The following SNRPB2 variants were observed in gnomAD, a reference collection of about 807,000 sequenced individuals.
SNRPB2 encodes small nuclear ribonucleoprotein polypeptide B2.
A neutral mutation model predicts 26.3 loss-of-function variants in SNRPB2; 16 were observed. That is an observed-to-expected ratio of 0.61 (90% CI 0.41 to 0.92). The LOEUF (loss-of-function observed/expected upper bound fraction) is 0.92. SNRPB2 is among the 40% of genes least tolerant of loss of function. SNRPB2 has a pLI of 0.00. For synonymous variants in SNRPB2, 75 were observed against 89.0 expected (o/e 0.84, Z 0.88); for missense variants, 179 against 268.1 (o/e 0.67, Z 2.32).
chr20:16,740,238 A>G lies in SNRPB2; in HGVS notation c.430-87A>G, dbSNP rs911228387. 11 of 1,561,646 alleles carry G rather than the reference A, an allele frequency of 7.0e-6. No individual in the cohort carries two copies. In the African/African-American group the frequency reaches 1.4e-4, roughly 19 times the overall value. On this transcript the variant is annotated intron_variant, in intron 5 of 6. Transcript: ENST00000246071. The stretch of plus-strand genomic sequence containing the variant: ...TCCAGTGTCATTGTTTTTCAGCTTT[A>G]TTGTTTGATATAGTAAGATTTCACA...
rs1249635444 is a variant in SNRPB2 at position 16,737,273 on chromosome 20, G to A, written c.250G>A (p.Ala84Thr). 6.3e-7 allele frequency: 1 copy of A among 1,592,462 alleles called. No individual in the cohort carries two copies. The highest frequency in any genetic ancestry group is 2.2e-5 in the East Asian group (1 of 44,630). The change falls in exon 4 of 7, where the codon GCA becomes ACA. Residue 84 changes from alanine to threonine, a missense_variant. Coordinates refer to ENST00000246071, the MANE Select transcript of SNRPB2 (RefSeq NM_003092.5). ...ATAATTAAAACAGCGAATACAGTAT[G>A]CAAAAACAGATTCGGATATAATATC... ...FYGKPMRIQY[A>T]KTDSDIISKM... is the part of the protein sequence containing the mutation.
At chr20:16,732,971 A>G (rs2072402677) in intron 3 of SNRPB2, among the ~76,000 whole-genome samples, 1 of 152,202 alleles carries the variant, frequency 6.6e-6, no homozygotes, top group Non-Finnish European at 1.5e-5. Flanking sequence ...ATGGTAGAGG[A>G]TCAGATAAGG....
At chr20:16,738,512 G>A (rs1237117338) in intron 4 of SNRPB2, among the ~76,000 whole-genome samples, 3 of 150,014 alleles carry the variant, frequency 2.0e-5, no homozygotes, top group African/African-American at 7.4e-5. Flanking sequence ...GTGATTAAAA[G>A]TCAGTTTTAT....
chr20:16,737,180 G>A (rs998346651), intron 3 of SNRPB2, 81 bp from the exon 4 acceptor site: 21 of 1,132,632 alleles, frequency 1.9e-5, no homozygotes, highest in Admixed American at 2.7e-5. Context: ...GTGTATTTGC[G>A]TAATGAAATT....
chr20:16,738,429 G>A (rs1254043540), intron 4 of SNRPB2, among the ~76,000 whole-genome samples: 3 of 131,838 alleles, frequency 2.3e-5, no homozygotes, highest in African/African-American at 9.0e-5. Context: ...GGTGACAAGA[G>A]CAAGACTCCA....
rs532950343 is a variant in SNRPB2 at position 16,742,119 on chromosome 20, T to A, written c.*1114T>A. The A allele has an allele frequency of 6.6e-6, 1 of 152,222 alleles. No homozygotes were observed. The highest frequency in any genetic ancestry group is 1.9e-4 in the East Asian group (1 of 5,178). The allele number at this position is 152,222 out of a possible 1,614,324, so 9.4% of individuals were successfully genotyped here. A position where few individuals can be genotyped will look rare whatever the true frequency, so the allele number is the denominator to read the frequency against. ...TATGCATACATAAAGAGGAAAAAAATGTTTCCTATAACTTTGTCACAGTTA... is the reference window on the plus strand; with the variant it reads ...TATGCATACATAAAGAGGAAAAAAAAGTTTCCTATAACTTTGTCACAGTTA... On this transcript the variant is annotated 3_prime_UTR_variant, in exon 7 of 7. Transcript: ENST00000246071.
At chr20:16,732,457 G>A in intron 3 of SNRPB2, 121 bp downstream of exon 3, 1 of 601,432 alleles carries the variant, frequency 1.7e-6, no homozygotes, top group South Asian at 2.6e-5. Context: ...GTGTGTTTGG[G>A]TTTATGTATT....
chr20:16,732,558 A>G (rs375519441), intron 3 of SNRPB2: 33 of 351,282 alleles, frequency 9.4e-5, no homozygotes, highest in Middle Eastern at 7.1e-4. Context: ...ATTTTAAAAA[A>G]TAATGGCAGT....
At chr20:16,740,773 G>T in intron 6 of SNRPB2, 73 bp from the exon 7 acceptor site, 1 of 1,165,762 alleles carries the variant, frequency 8.6e-7, no homozygotes, top group Non-Finnish European at 1.2e-6. Flanking sequence ...TTAGGAAGTT[G>T]CTTAACAAAT....
intron 2 of SNRPB2, 84 bp from the exon 3 acceptor site, chr20:16,732,080 G>A: frequency 1.3e-6 from 1 of 785,100 alleles, no homozygotes; most frequent in Non-Finnish European, 2.1e-6. Flanking sequence ...ATGGTGGGGG[G>A]GGCAACTCAA....
rs138493707 is a variant in SNRPB2, at chr20:16,731,752, A to G, written c.50A>G (p.Lys17Arg). ...HTIYINNMND[K>R]IKKEELKRSL... ...ATTTATATCAACAATATGAATGACA[A>G]AATTAAAAAGGAAGGTAAGTGCTTT... Residue 17 changes from lysine (K) to arginine (R), a missense_variant, in exon 2 of 7, where the codon AAA becomes AGA. Around this residue, in one of 2 missense-constraint regions of SNRPB2, gnomAD observed 145 missense variants for 180.7 expected, o/e 0.80. Transcript: ENST00000246071. 1.1e-5 allele frequency: 17 copies of G among 1,612,536 alleles called. No individual in the cohort carries two copies. Among genetic ancestry groups the G allele is most frequent in the East Asian group, 2.2e-5 (1 of 44,766 alleles).
At chr20:16,738,657 A>C (rs1335629407) in intron 4 of SNRPB2, among the ~76,000 whole-genome samples, 195 bp from the exon 5 acceptor site, 1 of 152,198 alleles carries the variant, frequency 6.6e-6, no homozygotes, top group Non-Finnish European at 1.5e-5. Context: ...GGTCTTAACA[A>C]AAATAACCGA....
chr20:16,735,048 T>A (rs902651341), intron 3 of SNRPB2, among the ~76,000 whole-genome samples: 4 of 152,148 alleles, frequency 2.6e-5, no homozygotes, highest in Non-Finnish European at 4.4e-5. Context: ...GCCACTGTGG[T>A]ACGGCAGCCC....
intron 4 of SNRPB2, among the ~76,000 whole-genome samples, chr20:16,738,354 A>T (rs1159759285): frequency 6.6e-6 from 1 of 151,350 alleles, no homozygotes; most frequent in African/African-American, 2.4e-5. Context: ...GAAGCAGGAG[A>T]ATTGGTTGAA....
chr20:16,732,714 C>T (rs1051034143), intron 3 of SNRPB2, among the ~76,000 whole-genome samples: 2 of 152,142 alleles, frequency 1.3e-5, no homozygotes, highest in South Asian at 2.1e-4. Context: ...TAGAATATGT[C>T]GTAGTGAAAT....
chr20:16,738,213 G>C (rs764065327), intron 4 of SNRPB2, among the ~76,000 whole-genome samples: 14 of 151,778 alleles, frequency 9.2e-5, no homozygotes, highest in Non-Finnish European at 1.9e-4. Context: ...GGCTGAGGTG[G>C]GTGGATCACC....
chr20:16,732,085 A>T, intron 2 of SNRPB2, 79 bp from the exon 3 acceptor site: 1 of 838,188 alleles, frequency 1.2e-6, no homozygotes, highest in South Asian at 1.6e-5. Context: ...GGGGGGGGCA[A>T]CTCAATGCAG....
intron 3 of SNRPB2, among the ~76,000 whole-genome samples, chr20:16,736,257 C>T (rs367637431): frequency 5.1e-4 from 78 of 151,760 alleles, no homozygotes; most frequent in African/African-American, 1.8e-3. Flanking sequence ...ATGTGACATT[C>T]TGGAAAGGGC....
chr20:16,737,426 G>C (rs750145747), intron 4 of SNRPB2, 25 bp downstream of exon 4: 2 of 1,564,434 alleles, frequency 1.3e-6, no homozygotes, highest in Admixed American at 4.3e-5. Flanking sequence ...GAAAGTTCCT[G>C]TTTGTATTGG....
Sources: gnomAD v4.1 joint callset for allele counts (sites outside exome capture counted in the v4.1 genomes callset) on GRCh38, gnomAD v4.1.1 for gene constraint, gnomAD v4.1.1 regional missense constraint, MANE v1.5 for transcripts, NCBI Gene and HGNC (gene_info 2026-07-23, HGNC 2026-07-21) for gene names.